The following CDYL2 variants were observed in gnomAD, a reference collection of about 807,000 sequenced individuals.
CDYL2 encodes chromodomain Y like 2.
A neutral mutation model predicts 49.4 loss-of-function variants in CDYL2; 23 were observed. The observed-to-expected ratio is 0.47, with a 90% CI of 0.34 to 0.66. The LOEUF (loss-of-function observed/expected upper bound fraction) is 0.66. Among genes scored for constraint, CDYL2 ranks in the 30% least tolerant of loss-of-function variants. The pLI is 0.01. For missense variants in CDYL2, 678 were observed against 656.4 expected (o/e 1.03, Z -0.36); for synonymous variants, 360 against 268.8 (o/e 1.34, Z -3.32).
At chr16:80,712,937 C>T (rs1247233833) in intron 1 of CDYL2, among the ~76,000 whole-genome samples, 1 of 152,134 alleles carries the variant, frequency 6.6e-6, no homozygotes, top group Admixed American at 6.5e-5. Flanking sequence ...CCTGCTAGTA[C>T]CCAACAGAAG....
intron 2 of CDYL2, among the ~76,000 whole-genome samples, chr16:80,675,747 T>C (rs780267280): frequency 5.3e-5 from 8 of 151,882 alleles, no homozygotes; most frequent in Non-Finnish European, 5.9e-5. Context: ...TTCACCGACA[T>C]TAGGAGGTGA....
chr16:80,669,123 G>C (rs1909393124), intron 2 of CDYL2, among the ~76,000 whole-genome samples: 1 of 151,822 alleles, frequency 6.6e-6, no homozygotes, highest in Admixed American at 6.6e-5. Context: ...CTCTAAAATG[G>C]CAGTAAAAGA....
At chr16:80,710,831 C>T (rs1447250282) in intron 1 of CDYL2, among the ~76,000 whole-genome samples, 4 of 152,106 alleles carry the variant, frequency 2.6e-5, no homozygotes, top group South Asian at 2.1e-4. Context: ...TGCTAATTTT[C>T]GGTTTTGTTA....
At chr16:80,697,010 A>C (rs895180889) in intron 1 of CDYL2, among the ~76,000 whole-genome samples, 3 of 151,006 alleles carry the variant, frequency 2.0e-5, no homozygotes, top group Non-Finnish European at 3.0e-5. Flanking sequence ...TTTGTTTCTA[A>C]AAAAAAAATA....
In CDYL2 at chr16:80,652,909, C is replaced by T. The variant is rs1908646417; in HGVS notation, c.617-19673G>A. 1.3e-5 allele frequency among the ~76,000 whole-genome samples: 2 copies of T among 152,324 alleles called. 1 individual carries two copies. On this transcript the variant is annotated intron_variant, in intron 2 of 6. Coordinates refer to ENST00000570137, the MANE Select transcript of CDYL2 (RefSeq NM_152342.4). ...AAAGAAGGAAAGCCTGAGAAACTGTCAGCCCAGAGGGGCTAAGGAGGCATG... is the reference window on the plus strand; with the variant it reads ...AAAGAAGGAAAGCCTGAGAAACTGTTAGCCCAGAGGGGCTAAGGAGGCATG...
Position 80,725,185 on chromosome 16 carries a change from TAC to T in CDYL2, c.25-40058_25-40057del, listed in dbSNP as rs1905125069. Among the ~76,000 whole-genome samples the T allele has an allele frequency of 2.0e-5, 3 of 151,888 alleles. No homozygotes were observed. The South Asian group carries it at 6.2e-4, about 32-fold the overall frequency. ...CCTGTGCAACACATACACATACACATACACATACACATACACACACACATACA... is the reference window on the plus strand; with the variant it reads ...CCTGTGCAACACATACACATACACATACATACACATACACACACACATACA... On this transcript the variant is annotated intron_variant, in intron 1 of 6. Transcript: ENST00000570137.
chr16:80,771,947 A>G (rs1009103653), intron 1 of CDYL2, among the ~76,000 whole-genome samples: 2 of 152,182 alleles, frequency 1.3e-5, no homozygotes, highest in Admixed American at 6.5e-5. Context: ...ACTGCATATG[A>G]GGGGAACACC....
At chr16:80,666,552 A>G (rs1227608261) in intron 2 of CDYL2, among the ~76,000 whole-genome samples, 1 of 152,186 alleles carries the variant, frequency 6.6e-6, no homozygotes, top group Non-Finnish European at 1.5e-5. Context: ...AGAGGAACAC[A>G]GCAAGCAGGG....
intron 3 of CDYL2, among the ~76,000 whole-genome samples, chr16:80,624,868 G>A (rs1286457627): frequency 6.6e-6 from 1 of 152,176 alleles, no homozygotes; most frequent in East Asian, 1.9e-4. Flanking sequence ...TAAAGTAACT[G>A]AAAGACCTGA....
chr16:80,777,620 T>C (rs1222566519), intron 1 of CDYL2, among the ~76,000 whole-genome samples: 1 of 152,082 alleles, frequency 6.6e-6, no homozygotes, highest in Admixed American at 6.5e-5. Context: ...AATAAAATGA[T>C]GTTCTTACTA....
At chr16:80,753,022 T>A (rs572214037) in intron 1 of CDYL2, among the ~76,000 whole-genome samples, 1 of 152,308 alleles carries the variant, frequency 6.6e-6, no homozygotes, top group East Asian at 1.9e-4. Context: ...AATAATGACA[T>A]GTGGCCTTCA....
chr16:80,700,565 G>T (rs1314604092), intron 1 of CDYL2, among the ~76,000 whole-genome samples: 1 of 152,118 alleles, frequency 6.6e-6, no homozygotes, highest in African/African-American at 2.4e-5. Flanking sequence ...TAGAAAGAGG[G>T]TTAAGCTCAT....
intron 1 of CDYL2, among the ~76,000 whole-genome samples, chr16:80,759,966 A>G: frequency 6.6e-6 from 1 of 152,228 alleles, no homozygotes; most frequent in African/African-American, 2.4e-5. Flanking sequence ...TTACTGTCTC[A>G]GGGTAAATTA....
At position 80,804,556 on chromosome 16, in the gene CDYL2, AAGCCG is replaced by A. The variant is rs1908041374; in HGVS notation, c.-388_-384del. Among the ~76,000 whole-genome samples, 1 of 142,170 alleles carries A rather than the reference AAGCCG, an allele frequency of 7.0e-6. No homozygotes were observed. The highest frequency in any genetic ancestry group is 1.6e-5 in the Non-Finnish European group (1 of 64,384). 93.3% of individuals were successfully genotyped at this position (142,170 alleles called of 152,430 possible). ...GGCTCGCCCCGGCGCCGCCTGCAGG[AAGCCG>A]CCCGGCGCCCGCCGCCGGCCCGGAC... On this transcript the variant is annotated 5_prime_UTR_variant, in exon 1 of 7. Coordinates refer to ENST00000570137, the MANE Select transcript of CDYL2 (RefSeq NM_152342.4).
chr16:80,792,147 T>C (rs1166795614), intron 1 of CDYL2, among the ~76,000 whole-genome samples: 1 of 152,164 alleles, frequency 6.6e-6, no homozygotes, highest in African/African-American at 2.4e-5. Flanking sequence ...ACTTTTGATA[T>C]TTTGAGTTTA....
At chr16:80,729,456 C>A (rs549356531) in intron 1 of CDYL2, among the ~76,000 whole-genome samples, 1 of 152,180 alleles carries the variant, frequency 6.6e-6, no homozygotes, top group African/African-American at 2.4e-5. Context: ...TAAAGCAAGT[C>A]CTGAGTGACC....
chr16:80,681,678 G>C (rs1909972439), intron 2 of CDYL2, among the ~76,000 whole-genome samples: 1 of 152,170 alleles, frequency 6.6e-6, no homozygotes, highest in Non-Finnish European at 1.5e-5. Context: ...TATCACACGA[G>C]TGACCACAGA....
intron 1 of CDYL2, among the ~76,000 whole-genome samples, chr16:80,801,401 C>G (rs1295123608): frequency 6.6e-6 from 1 of 152,202 alleles, no homozygotes; most frequent in Middle Eastern, 3.2e-3. Context: ...GCACCTATTC[C>G]TAACAACTGC....
chr16:80,658,291 G>C (rs557764986), intron 2 of CDYL2, among the ~76,000 whole-genome samples: 2 of 152,212 alleles, frequency 1.3e-5, no homozygotes, highest in Admixed American at 6.5e-5. Flanking sequence ...AAGCAATAAA[G>C]ATGGGGGGTG....
Sources: allele counts gnomAD v4.1 joint callset (sites outside exome capture counted in the v4.1 genomes callset), GRCh38; gene constraint gnomAD v4.1.1; transcripts MANE v1.5; gene names NCBI Gene and HGNC (gene_info 2026-07-23, HGNC 2026-07-21).